The following DCC variants were observed in gnomAD, a reference collection of about 807,000 sequenced individuals.
The protein encoded by DCC is DCC netrin 1 receptor, also known as netrin receptor DCC.
Under a neutral mutation model 172.5 loss-of-function variants are expected in DCC, and 58 were observed. The observed-to-expected ratio is 0.34, with a 90% CI of 0.27 to 0.42. The LOEUF (loss-of-function observed/expected upper bound fraction) is 0.42, where lower values mean the gene tolerates loss of function less well. Among genes scored for constraint, DCC ranks in the 10% least tolerant of loss-of-function variants. The pLI, the probability that DCC is intolerant of heterozygous loss-of-function variation, is 1.00. For synonymous variants in DCC, 709 were observed against 644.5 expected, an observed-to-expected ratio of 1.10 and a Z score of -1.52; for missense variants, 1,740 against 1,791.0, an observed-to-expected ratio of 0.97 and a Z score of 0.51.
chr18:53,439,322 C>T (rs1007961875), intron 22 of DCC, among the ~76,000 whole-genome samples: 2 of 152,100 alleles, frequency 1.3e-5, no homozygotes, highest in African/African-American at 4.8e-5. Flanking sequence ...AAGTGAGGCC[C>T]CTGAGTAATA....
chr18:53,177,114 G>A (rs975251741), intron 8 of DCC, among the ~76,000 whole-genome samples: 1 of 151,124 alleles, frequency 6.6e-6, no homozygotes, highest in Admixed American at 6.6e-5. Flanking sequence ...TCACTCATAG[G>A]TGGGAATTGA....
intron 1 of DCC, among the ~76,000 whole-genome samples, chr18:52,620,092 G>A (rs553227123): frequency 6.6e-6 from 1 of 152,264 alleles, no homozygotes; most frequent in African/African-American, 2.4e-5. Flanking sequence ...TTTCAGATTT[G>A]CCAGTTAATT....
chr18:52,671,753 C>A (rs1035225093), intron 1 of DCC, among the ~76,000 whole-genome samples: 1 of 151,982 alleles, frequency 6.6e-6, no homozygotes, highest in Non-Finnish European at 1.5e-5. Context: ...CCAGGCTGGT[C>A]TCGAACTCCT....
At chr18:52,465,660 A>G (rs17681071) in intron 1 of DCC, among the ~76,000 whole-genome samples, 31,641 of 152,114 alleles carry the variant, frequency 0.21, 4,153 homozygotes, top group Non-Finnish European at 0.29. Context: ...GTCCTAGACC[A>G]CTAGCCTGGA....
chr18:53,306,021 A>T (rs914251285), intron 13 of DCC, among the ~76,000 whole-genome samples: 2 of 152,162 alleles, frequency 1.3e-5, no homozygotes, highest in Non-Finnish European at 2.9e-5. Flanking sequence ...TAACATTTTA[A>T]CCAGTAACTT....
intron 12 of DCC, among the ~76,000 whole-genome samples, chr18:53,247,233 A>G (rs972403816): frequency 3.3e-5 from 5 of 152,050 alleles, no homozygotes; most frequent in African/African-American, 9.7e-5. Flanking sequence ...TTCTGCCCAC[A>G]TTCAATTGGC....
chr18:53,243,789 G>C (rs2056334202), intron 12 of DCC, among the ~76,000 whole-genome samples: 1 of 152,166 alleles, frequency 6.6e-6, no homozygotes, highest in African/African-American at 2.4e-5. Flanking sequence ...AAGAACAACA[G>C]ATCTGACTCC....
At chr18:52,823,983 C>T (rs1034256219) in intron 2 of DCC, among the ~76,000 whole-genome samples, 6 of 152,184 alleles carry the variant, frequency 3.9e-5, no homozygotes, top group East Asian at 1.9e-4. Context: ...TGATGCAAAA[C>T]AGAATAAGGA....
chr18:53,096,180 T>A (rs8084433), intron 7 of DCC, among the ~76,000 whole-genome samples: 39,425 of 151,616 alleles, frequency 0.26, 6,288 homozygotes, highest in African/African-American at 0.45. Flanking sequence ...AAATAAATTT[T>A]AAAAAATAAT....
intron 5 of DCC, among the ~76,000 whole-genome samples, chr18:53,029,849 C>T (rs1332716022): frequency 6.6e-6 from 1 of 152,082 alleles, no homozygotes; most frequent in Non-Finnish European, 1.5e-5. Flanking sequence ...ATCATCTAAG[C>T]TTGCCTGGTC....
In DCC at chr18:53,443,875, C is replaced by T. The variant is rs890403661; in HGVS notation, c.3230-6625C>T. 6.6e-5 allele frequency among the ~76,000 whole-genome samples: 10 copies of T among 152,226 alleles called. No homozygotes were observed. In the East Asian group the frequency reaches 7.7e-4, roughly 12 times the overall value. ...AGTGTGATCGAAATCCCAGTAACTGCGATCGAAATAGCAAGAGAGCCAGAA... is the reference window on the plus strand; with the variant it reads ...AGTGTGATCGAAATCCCAGTAACTGTGATCGAAATAGCAAGAGAGCCAGAA... On this transcript the variant is annotated intron_variant, in intron 22 of 28. Coordinates refer to ENST00000442544, the MANE Select transcript of DCC (RefSeq NM_005215.4).
At chr18:52,528,516 G>A (rs2032049837) in intron 1 of DCC, among the ~76,000 whole-genome samples, 1 of 152,118 alleles carries the variant, frequency 6.6e-6, no homozygotes, top group Admixed American at 6.6e-5. Context: ...TTACTGCCAG[G>A]TTCTCAAAGA....
intron 2 of DCC, among the ~76,000 whole-genome samples, chr18:52,890,075 G>A (rs1053927581): frequency 2.7e-4 from 41 of 152,222 alleles, no homozygotes; most frequent in African/African-American, 9.6e-4. Context: ...ATTTCCAAAT[G>A]AGTGTCAATG....
At chr18:53,419,343 A>G (rs1033197616) in intron 21 of DCC, among the ~76,000 whole-genome samples, 1 of 152,138 alleles carries the variant, frequency 6.6e-6, no homozygotes, top group Non-Finnish European at 1.5e-5. Context: ...ATTATTGACT[A>G]TAGTTACCCT....
At chr18:53,035,189 T>C (rs1159848675) in intron 5 of DCC, among the ~76,000 whole-genome samples, 1 of 151,560 alleles carries the variant, frequency 6.6e-6, no homozygotes, top group Non-Finnish European at 1.5e-5. Flanking sequence ...TGTGTGAATT[T>C]TGGGAACATT....
chr18:53,217,909 A>G (rs1311089087), intron 12 of DCC, among the ~76,000 whole-genome samples: 1 of 152,040 alleles, frequency 6.6e-6, no homozygotes, highest in East Asian at 1.9e-4. Context: ...CAGTGACACA[A>G]CCATGACTTA....
chr18:52,822,780 A>G (rs1302884974), intron 2 of DCC, among the ~76,000 whole-genome samples: 2 of 152,158 alleles, frequency 1.3e-5, no homozygotes, highest in Admixed American at 6.6e-5. Context: ...GTGGAGATAC[A>G]ATTTTTTCCT....
At chr18:52,960,799 T>C (rs1028766238) in intron 5 of DCC, among the ~76,000 whole-genome samples, 1 of 152,168 alleles carries the variant, frequency 6.6e-6, no homozygotes, top group Non-Finnish European at 1.5e-5. Context: ...TCCAAGGGAT[T>C]GTTCAAAATC....
intron 4 of DCC, 119 bp from the exon 5 acceptor site, chr18:52,925,115 T>A: frequency 1.0e-6 from 1 of 1,002,266 alleles, no homozygotes; most frequent in East Asian, 2.4e-5. Context: ...GCCCTTATGA[T>A]ACACAGTTTC....
Sources: gnomAD v4.1 joint callset for allele counts (sites outside exome capture counted in the v4.1 genomes callset) on GRCh38, gnomAD v4.1.1 for gene constraint, MANE v1.5 for transcripts, NCBI Gene and HGNC (gene_info 2026-07-23, HGNC 2026-07-21) for gene names.